PMS1: variants seen among roughly 807,000 people sequenced by gnomAD.
The protein encoded by PMS1 is PMS1 homolog 1, mismatch repair system component, also known as PMS1 protein homolog 1.
PMS1 carries 79 observed loss-of-function variants against 93.1 expected under a neutral mutation model. The ratio of observed to expected loss-of-function variants is 0.85; its 90% confidence interval spans 0.71 to 1.02. The LOEUF is 1.02. Among genes scored for constraint, PMS1 ranks in the 50% least tolerant of loss-of-function variants. PMS1 has a pLI of 0.00. For synonymous variants in PMS1, 335 were observed against 363.4 expected, an observed-to-expected ratio of 0.92 and a Z score of 0.89; for missense variants, 1,064 against 1,085.3, an observed-to-expected ratio of 0.98 and a Z score of 0.28.
intron 10 of PMS1, among the ~76,000 whole-genome samples, chr2:189,866,132 T>C (rs138084393): frequency 1.6e-3 from 247 of 152,322 alleles, no homozygotes; most frequent in African/African-American, 5.9e-3. Context: ...AGTTTAAACA[T>C]CTGATGGTGC....
rs199621573 is a variant in PMS1, at chr2:189,805,635, A to G, written c.316-17A>G. 5.7e-6 allele frequency: 9 copies of G among 1,587,250 alleles called. No homozygotes were observed. Among genetic ancestry groups the G allele is most frequent in the African/African-American group, 2.7e-5 (2 of 74,418 alleles). ...ATATCTAAAGTGTTAGTTTTATTAG[A>G]TGTTTTTTTCCCCCAGGTTTTAATT... On this transcript the variant is annotated splice_polypyrimidine_tract_variant and intron_variant, in intron 3 of 12. Transcript: ENST00000441310.
intron 5 of PMS1, among the ~76,000 whole-genome samples, chr2:189,833,657 G>A (rs1559274764): frequency 6.6e-6 from 1 of 151,912 alleles, no homozygotes; most frequent in Non-Finnish European, 1.5e-5. Context: ...TTTTTCATTA[G>A]GCTTTGCTTA....
intron 8 of PMS1, 36 bp downstream of exon 8, chr2:189,854,118 T>C: frequency 1.4e-6 from 2 of 1,451,888 alleles, no homozygotes; most frequent in Non-Finnish European, 9.5e-7. Context: ...TTATGCTATT[T>C]ATAAACATAT....
chr2:189,850,604 A>T (rs1460066523), intron 6 of PMS1, among the ~76,000 whole-genome samples: 1 of 152,142 alleles, frequency 6.6e-6, no homozygotes, highest in East Asian at 1.9e-4. Context: ...GTAACTAGAG[A>T]GCAGGAAAAA....
chr2:189,862,528 G>A (rs1478587053), intron 9 of PMS1, among the ~76,000 whole-genome samples: 1 of 152,092 alleles, frequency 6.6e-6, no homozygotes, highest in Non-Finnish European at 1.5e-5. Flanking sequence ...TTTTGTTAGA[G>A]TGATAACTTT....
intron 5 of PMS1, among the ~76,000 whole-genome samples, chr2:189,824,337 A>G (rs2052233545): frequency 6.6e-6 from 1 of 152,038 alleles, no homozygotes; most frequent in Non-Finnish European, 1.5e-5. Context: ...TGGAAGCTTT[A>G]CTTTTTAGTG....
intron 5 of PMS1, among the ~76,000 whole-genome samples, chr2:189,843,577 A>G (rs2053994369): frequency 6.6e-6 from 1 of 152,234 alleles, no homozygotes; most frequent in South Asian, 2.1e-4. Context: ...ATTTGTTTTT[A>G]AATATACACG....
At chr2:189,816,823 C>T (rs2051346355) in intron 4 of PMS1, among the ~76,000 whole-genome samples, 1 of 152,138 alleles carries the variant, frequency 6.6e-6, no homozygotes, top group Non-Finnish European at 1.5e-5. Flanking sequence ...GCCTTTTTGA[C>T]TGATTCACGG....
intron 3 of PMS1, among the ~76,000 whole-genome samples, chr2:189,800,071 A>G (rs891340617): frequency 2.8e-4 from 43 of 152,182 alleles, no homozygotes; most frequent in Admixed American, 2.4e-3. Context: ...CACTGTCTCT[A>G]ATAACTCAAG....
Position 189,857,829 on chromosome 2 carries a change from CTTAATA to C in PMS1, c.1856+2705_1856+2710del, listed in dbSNP as rs931280054. On this transcript the variant is annotated intron_variant, in intron 9 of 12. Coordinates refer to ENST00000441310, the MANE Select transcript of PMS1 (RefSeq NM_000534.5). The stretch of plus-strand genomic sequence containing the variant: ...ATTAGGGGAAAACTTGGCAGTTGGA[CTTAATA>C]TTATCTGTGGGACAGGTAATGCTTC... 4.6e-4 allele frequency among the ~76,000 whole-genome samples: 70 copies of C among 152,130 alleles called. 1 individual carries two copies. The highest frequency in any genetic ancestry group is 3.3e-3 in the South Asian group (16 of 4,830).
rs750680462 is a variant in PMS1, at chr2:189,805,811, T to C, written c.418+57T>C. On this transcript the variant is annotated intron_variant, in intron 4 of 12. Transcript: ENST00000441310. ...TTACCTTTTCTGTCTTAATTGTTGG[T>C]TTAAAAAAAAAAAGTTACTCGGTGA... 11 of 1,594,466 alleles carry C rather than the reference T, an allele frequency of 6.9e-6. No homozygotes were observed. In the East Asian group the frequency reaches 2.5e-4, roughly 36 times the overall value.
rs55726197 is a variant in PMS1, at chr2:189,854,583, G to A, written c.1311G>A (p.Gln437=). 2.5e-5 allele frequency: 41 copies of A among 1,613,444 alleles called. No homozygotes were observed. The highest frequency in any genetic ancestry group is 1.7e-4 in the Middle Eastern group (1 of 6,058). ...ATAAAAACACTAAGAATGCATTTCA[G>A]GACATTTCAATGAGTAATGTATCAT... The part of the protein sequence containing the change: ...NIDKNTKNAF[Q]DISMSNVSWE... Residue 437 remains glutamine, a synonymous_variant, in exon 9 of 13, where the codon CAG becomes CAA. Coordinates refer to ENST00000441310, the MANE Select transcript of PMS1 (RefSeq NM_000534.5).
At chr2:189,798,901 C>T (rs2049618168) in intron 3 of PMS1, among the ~76,000 whole-genome samples, 1 of 151,810 alleles carries the variant, frequency 6.6e-6, no homozygotes, top group Non-Finnish European at 1.5e-5. Context: ...TGAAATTAGT[C>T]ATAATTAGCT....
intron 9 of PMS1, chr2:189,857,325 G>A (rs2055435587): frequency 4.3e-6 from 1 of 232,432 alleles, no homozygotes; most frequent in African/African-American, 2.3e-5. Context: ...ATGTCACAGA[G>A]TGCTGTGTTA....
At chr2:189,872,309 A>T (rs2057220158) in intron 11 of PMS1, among the ~76,000 whole-genome samples, 1 of 152,208 alleles carries the variant, frequency 6.6e-6, no homozygotes. Flanking sequence ...GTAGTCTGTA[A>T]TTGGGAACAG....
intron 4 of PMS1, among the ~76,000 whole-genome samples, chr2:189,807,281 CAA>C (rs2050425439): frequency 6.6e-6 from 1 of 151,926 alleles, no homozygotes; most frequent in Non-Finnish European, 1.5e-5. Context: ...AAAATGAGCT[CAA>C]GTCTAACAGC....
chr2:189,826,579 A>G (rs556459028), intron 5 of PMS1, among the ~76,000 whole-genome samples: 7 of 152,274 alleles, frequency 4.6e-5, no homozygotes, highest in African/African-American at 1.2e-4. Flanking sequence ...TGAAAGACAT[A>G]TAAGTCAAGT....
At chr2:189,828,434 G>A (rs1052197974) in intron 5 of PMS1, among the ~76,000 whole-genome samples, 2 of 152,176 alleles carry the variant, frequency 1.3e-5, no homozygotes. Context: ...TCATAAATGT[G>A]TAATTATTGT....
intron 6 of PMS1, among the ~76,000 whole-genome samples, chr2:189,852,338 A>C (rs1438619152): frequency 6.6e-6 from 1 of 152,202 alleles, no homozygotes; most frequent in Admixed American, 6.5e-5. Context: ...AGACAGAAAA[A>C]AGGTTGAGTA....
Sources: allele counts gnomAD v4.1 joint callset (sites outside exome capture counted in the v4.1 genomes callset), GRCh38; gene constraint gnomAD v4.1.1; transcripts MANE v1.5; gene names NCBI Gene and HGNC (gene_info 2026-07-23, HGNC 2026-07-21).